Variants in SLIT1 observed in about 807,000 individuals in gnomAD.
The protein encoded by SLIT1 is slit homolog 1 protein.
SLIT1 carries 66 observed loss-of-function variants against 186.1 expected under a neutral mutation model. The ratio of observed to expected loss-of-function variants is 0.35; its 90% CI spans 0.29 to 0.44. The LOEUF is 0.44. Ranked by LOEUF, SLIT1 falls within the 20% of genes least tolerant of loss-of-function variation. The probability of loss-of-function intolerance (pLI) is 1.00; values close to 1 mark genes in which losing one functional copy is unlikely to be tolerated. For missense variants in SLIT1, 1,638 were observed against 2,037.4 expected, an observed-to-expected ratio of 0.80 and a Z score of 3.77; for synonymous variants, 761 against 833.8, an observed-to-expected ratio of 0.91 and a Z score of 1.50.
At chr10:97,132,661 C>T (rs1411123471) in intron 4 of SLIT1, among the ~76,000 whole-genome samples, 1 of 152,150 alleles carries the variant, frequency 6.6e-6, no homozygotes, top group African/African-American at 2.4e-5. Context: ...GGTCAGCCAC[C>T]CCCATTTTTC....
In SLIT1 at chr10:97,066,016, A is replaced by C. The variant is rs755974461; in HGVS notation, c.484T>G (p.Leu162Val). ...AFRGATDLKNLQLDKNQISCI... is the reference protein window; with the variant it reads ...AFRGATDLKNVQLDKNQISCI... Reference sequence around the variant, plus strand: ...TCTCCCTCCCAGGCCTGTACTCACAAATTTTTAAGGTCCGTAGCTCCCCGA... The same window carrying C: ...TCTCCCTCCCAGGCCTGTACTCACACATTTTTAAGGTCCGTAGCTCCCCGA... Residue 162 changes from leucine (L) to valine (V), a missense_variant and splice_region_variant, in exon 5 of 37, where the codon TTA (leucine) becomes GTA (valine). Around this residue, in one of 3 missense-constraint regions of SLIT1, gnomAD observed 1,245 missense variants for 1,535.3 expected, o/e 0.81. Coordinates refer to ENST00000266058, the MANE Select transcript of SLIT1 (RefSeq NM_003061.3). 6.2e-7 allele frequency: 1 copy of C among 1,601,244 alleles called. No homozygotes were observed. Among genetic ancestry groups the C allele is most frequent in the Non-Finnish European group, 8.5e-7 (1 of 1,172,610 alleles).
chr10:97,157,896 AAG>A lies in SLIT1; in HGVS notation c.342-9_342-8del. 1 of 1,610,016 alleles carries A rather than the reference AAG, an allele frequency of 6.2e-7. No homozygotes were observed. Among genetic ancestry groups the A allele is most frequent in the African/African-American group, 1.3e-5 (1 of 74,960 alleles). On this transcript the variant is annotated splice_polypyrimidine_tract_variant and splice_region_variant and intron_variant, in intron 3 of 36. Coordinates refer to ENST00000266058, the MANE Select transcript of SLIT1 (RefSeq NM_003061.3). ...CTGGTTTCGGTTCAGTCGCCTATAA[AAG>A]AGAAGAAGAATTGGAAATCACCTAG...
At chr10:97,134,976 G>A (rs1009641919) in intron 4 of SLIT1, among the ~76,000 whole-genome samples, 1 of 152,284 alleles carries the variant, frequency 6.6e-6, no homozygotes, top group East Asian at 1.9e-4. Flanking sequence ...GGACCCACCA[G>A]CTCTGAAAAG....
At chr10:97,179,351 T>A (rs572235231) in intron 1 of SLIT1, among the ~76,000 whole-genome samples, 11 of 152,184 alleles carry the variant, frequency 7.2e-5, no homozygotes, top group Non-Finnish European at 1.6e-4. Flanking sequence ...TCCAGCTACT[T>A]GGGAGGCTGA....
rs1379906073 is a variant in SLIT1, at chr10:97,133,537, C to A, written c.413+24281G>T. On this transcript the variant is annotated intron_variant, in intron 4 of 36. Coordinates refer to ENST00000266058, the MANE Select transcript of SLIT1 (RefSeq NM_003061.3). ...GGCAATGGGAGTTGTCATTTAATGG[C>A]AATAGAGTTTCAGTTTTATGAAGTC... Among the ~76,000 whole-genome samples, 3 of 152,136 alleles carry A rather than the reference C, an allele frequency of 2.0e-5. No homozygotes were observed. The East Asian group carries it at 5.8e-4, about 29-fold the overall frequency.
intron 11 of SLIT1, chr10:97,057,885 CAGG>C (rs1469482808): frequency 1.9e-5 from 13 of 675,968 alleles, no homozygotes; most frequent in African/African-American, 5.3e-5. Flanking sequence ...TGAAAACATC[CAGG>C]AGGTTTGGGG....
intron 30 of SLIT1, 64 bp downstream of exon 30, chr10:97,013,677 C>G: frequency 8.1e-7 from 1 of 1,229,032 alleles, no homozygotes; most frequent in Non-Finnish European, 1.2e-6. Context: ...GGAGCCCAGA[C>G]TGGAATCCAG....
intron 4 of SLIT1, among the ~76,000 whole-genome samples, chr10:97,090,855 G>A (rs909881727): frequency 2.6e-5 from 4 of 152,208 alleles, no homozygotes; most frequent in Non-Finnish European, 5.9e-5. Flanking sequence ...CTAAGCCCAC[G>A]CTCCATCCAT....
intron 3 of SLIT1, among the ~76,000 whole-genome samples, chr10:97,159,382 G>C (rs964032527): frequency 2.0e-5 from 3 of 150,006 alleles, no homozygotes; most frequent in African/African-American, 7.3e-5. Flanking sequence ...TGCCTTGGGG[G>C]GATAAAATCA....
chr10:97,126,589 A>T (rs1347012815), intron 4 of SLIT1, among the ~76,000 whole-genome samples: 2 of 152,222 alleles, frequency 1.3e-5, no homozygotes, highest in Non-Finnish European at 2.9e-5. Flanking sequence ...GGTCTGAGGG[A>T]TGCACAAGGG....
intron 5 of SLIT1, 72 bp from the exon 6 acceptor site, chr10:97,064,948 G>T: frequency 1.7e-6 from 2 of 1,198,292 alleles, no homozygotes; most frequent in Non-Finnish European, 1.2e-6. Flanking sequence ...CATTCTGACC[G>T]CGTGCTCCAT....
At chr10:97,111,298 G>A (rs898574451) in intron 4 of SLIT1, among the ~76,000 whole-genome samples, 4 of 152,052 alleles carry the variant, frequency 2.6e-5, no homozygotes, top group African/African-American at 4.8e-5. Context: ...CCAAGAGTCC[G>A]AGTCATTAAA....
chr10:97,185,544 G>T lies in SLIT1; in HGVS notation c.131C>A (p.Thr44Lys), dbSNP rs750436666. ...CPALCTCTGT[T>K]VDCHGTGLQA... ...CAGCCCCGTGCCGTGGCAGTCCACC[G>T]TGGTTCCGGTGCAGGTGCAGAGGGC... The change falls in exon 1 of 37, where the codon ACG becomes AAG. Residue 44 changes from threonine (T) to lysine (K), a missense_variant. Physicochemically the swap from Thr to Lys is moderately conservative, Grantham distance 78. Around this residue, in one of 3 missense-constraint regions of SLIT1, gnomAD observed 1,245 missense variants for 1,535.3 expected, o/e 0.81. Coordinates refer to ENST00000266058, the MANE Select transcript of SLIT1 (RefSeq NM_003061.3). The T allele has an allele frequency of 1.2e-6, 2 of 1,611,870 alleles. No individual in the cohort carries two copies. Among genetic ancestry groups the T allele is most frequent in the Non-Finnish European group, 1.7e-6 (2 of 1,179,594 alleles).
At chr10:97,048,089 C>T in intron 14 of SLIT1, 93 bp from the exon 15 acceptor site, 25 of 1,398,114 alleles carry the variant, frequency 1.8e-5, no homozygotes, top group African/African-American at 2.8e-5. Context: ...GCTGAAGGCA[C>T]CCCAGACAGG....
intron 4 of SLIT1, chr10:97,153,095 T>G (rs1051235298): frequency 6.6e-6 from 1 of 152,238 alleles, no homozygotes; most frequent in Non-Finnish European, 1.5e-5. Context: ...AATATGAGAT[T>G]CCTAGGTCAA....
chr10:97,069,178 AG>A (rs1447548445), intron 4 of SLIT1, among the ~76,000 whole-genome samples: 4 of 152,246 alleles, frequency 2.6e-5, no homozygotes, highest in Non-Finnish European at 5.9e-5. Flanking sequence ...CAGGCCACAC[AG>A]GTAAACAACA....
rs1322315083 is a variant in SLIT1, at chr10:97,040,144, C to T, written c.2165-24G>A. ...GCCTAGGGAAGAAGGCACGAAGCCC[C>T]TGTCAGGGAGGTGGACGGGCCGCTG... is the stretch of plus-strand genomic sequence containing the variant. On this transcript the variant is annotated intron_variant, in intron 20 of 36. Transcript: ENST00000266058. 4 of 1,533,174 alleles carry T rather than the reference C, an allele frequency of 2.6e-6. No homozygotes were observed. The South Asian group carries it at 3.9e-5, about 15-fold the overall frequency. 95.0% of individuals were successfully genotyped at this position (1,533,174 alleles called of 1,614,324 possible). A position where few individuals can be genotyped will look rare whatever the true frequency, so the allele number is the denominator to read the frequency against.
intron 8 of SLIT1, among the ~76,000 whole-genome samples, chr10:97,061,468 C>A (rs1382333736): frequency 6.6e-6 from 1 of 152,216 alleles, no homozygotes; most frequent in South Asian, 2.1e-4. Context: ...CCTCCTGCCC[C>A]TTCCCCAAAG....
intron 35 of SLIT1, 54 bp downstream of exon 35, chr10:97,002,650 T>G: frequency 4.2e-6 from 6 of 1,440,790 alleles, no homozygotes; most frequent in South Asian, 2.7e-5. Flanking sequence ...GCCCTTCCCA[T>G]GGGGAAGGAA....
Sources: allele counts gnomAD v4.1 joint callset (sites outside exome capture counted in the v4.1 genomes callset), GRCh38; gene constraint gnomAD v4.1.1; regional missense constraint gnomAD v4.1.1; transcripts MANE v1.5; gene names NCBI Gene and HGNC (gene_info 2026-07-23, HGNC 2026-07-21).